KCTD2: variants seen among roughly 807,000 people sequenced by gnomAD.
KCTD2 encodes potassium channel tetramerization domain containing 2.
A neutral mutation model predicts 27.9 loss-of-function variants in KCTD2; 18 were observed. That is an observed-to-expected ratio of 0.64 (90% CI 0.45 to 0.96). KCTD2 has a LOEUF of 0.96. KCTD2 is among the 40% of genes least tolerant of loss of function. The probability of loss-of-function intolerance (pLI) is 0.00; values close to 1 mark genes in which losing one functional copy is unlikely to be tolerated. For synonymous variants in KCTD2, 175 were observed against 148.4 expected, an observed-to-expected ratio of 1.18 and a Z score of -1.30; for missense variants, 280 against 348.0, an observed-to-expected ratio of 0.80 and a Z score of 1.56.
At position 75,033,530 on chromosome 17, in the gene KCTD2, C is replaced by G. The variant is rs142595401; in HGVS notation, c.-469-503C>G. ...ATTAATACTTGTCTGTTCTCCTTCA[C>G]TTCCTACGCTACTTTTTCCTAAAAT... On this transcript the variant is annotated intron_variant, in intron 1 of 7. Transcript: ENST00000581589. Among the ~76,000 whole-genome samples the G allele has an allele frequency of 1.9e-3, 289 of 152,312 alleles. 1 individual carries two copies. Among genetic ancestry groups the G allele is most frequent in the African/African-American group, 6.4e-3 (267 of 41,554 alleles).
Position 75,062,219 on chromosome 17 carries a change from G to A in KCTD2, c.736G>A (p.Val246Ile), listed in dbSNP as rs943983987. ...RELNNSTNGI[V>I]IEPSEKAKIL... is the part of the protein sequence containing the mutation. The stretch of plus-strand genomic sequence containing the variant: ...ACTAAATAATTCTACCAATGGCATC[G>A]TCATAGAGCCGAGCGAAAAGGCGAA... The change falls in exon 5 of 6, where the codon GTC becomes ATC. Residue 246 changes from valine (V) to isoleucine (I), a missense_variant. Coordinates refer to ENST00000322444, the MANE Select transcript of KCTD2 (RefSeq NM_015353.3). The A allele has an allele frequency of 3.1e-6, 5 of 1,613,230 alleles. No homozygotes were observed. The highest frequency in any genetic ancestry group is 1.1e-5 in the South Asian group (1 of 90,824).
At chr17:75,039,985 A>G in intron 3 of KCTD2, 3 of 1,161,176 alleles carry the variant, frequency 2.6e-6, no homozygotes, top group Non-Finnish European at 3.8e-6. Context: ...ATTCCTTTAT[A>G]TGGCTGTTAA....
Position 75,047,558 on chromosome 17 carries a change from G to A in KCTD2, c.308G>A (p.Cys103Tyr), listed in dbSNP as rs1464340839. 1 of 1,610,666 alleles carries A rather than the reference G, an allele frequency of 6.2e-7. No homozygotes were observed. The highest frequency in any genetic ancestry group is 8.5e-7 in the Non-Finnish European group (1 of 1,178,980). Residue 103 changes from cysteine (C) to tyrosine (Y), a missense_variant, in exon 1 of 6, where the codon TGC becomes TAC. By Grantham distance (194) the Cys-to-Tyr change is radical. Transcript: ENST00000322444. ...AAGTCATTTCTCTGCCGCCTCTGCT[G>A]CCAGGAGGACCCGGAGCTGGACTCA... ...EPKSFLCRLC[C>Y]QEDPELDSDK...
intron 3 of KCTD2, chr17:75,039,032 T>G (rs762606856): frequency 1.9e-6 from 3 of 1,614,148 alleles, no homozygotes; most frequent in East Asian, 4.5e-5. Context: ...GGTCATCTGA[T>G]CAAATGGAAT....
At chr17:75,060,693 G>C (rs766421770) in intron 4 of KCTD2, 6 of 1,290,944 alleles carry the variant, frequency 4.6e-6, no homozygotes, top group Middle Eastern at 2.7e-4. Context: ...CTGCACTCAG[G>C]GTCTCGGTCG....
In KCTD2 at chr17:75,062,195, C is replaced by T. The variant is rs2073410344; in HGVS notation, c.712C>T (p.Leu238=). Residue 238 remains leucine, a synonymous_variant, in exon 5 of 6, where the codon CTA becomes TTA. Coordinates refer to ENST00000322444, the MANE Select transcript of KCTD2 (RefSeq NM_015353.3). ...ATTCCTCTGTGTTGTCTCCAGAGAA[C>T]TAAATAATTCTACCAATGGCATCGT... The part of the protein sequence containing the change: ...AEFLCVVSRE[L]NNSTNGIVIE... 1 of 1,613,838 alleles carries T rather than the reference C, an allele frequency of 6.2e-7. No individual in the cohort carries two copies. Among genetic ancestry groups the T allele is most frequent in the Non-Finnish European group, 8.5e-7 (1 of 1,179,942 alleles).
At chr17:75,039,040 A>T (rs1005442545) in intron 3 of KCTD2, 1 of 1,613,990 alleles carries the variant, frequency 6.2e-7, no homozygotes, top group East Asian at 2.2e-5. Context: ...GATCAAATGG[A>T]ATTAAGTTCT....
At chr17:75,038,837 C>T in intron 3 of KCTD2, 1 of 1,400,478 alleles carries the variant, frequency 7.1e-7, no homozygotes, top group Admixed American at 2.3e-5. Context: ...ATTATCTCAA[C>T]CACAGAGAAG....
At chr17:75,048,317 CTG>C (rs1275752547) in intron 1 of KCTD2, among the ~76,000 whole-genome samples, 1 of 152,128 alleles carries the variant, frequency 6.6e-6, no homozygotes, top group East Asian at 1.9e-4. Flanking sequence ...CCAGTTTGAA[CTG>C]TGTCAATTTC....
chr17:75,062,936 A>T, intron 5 of KCTD2, 82 bp from the exon 6 acceptor site: 1 of 1,446,486 alleles, frequency 6.9e-7, no homozygotes, highest in South Asian at 1.2e-5. Context: ...CATGCCACTC[A>T]TCGGGTCCAG....
At chr17:75,053,860 T>G (rs1387692363) in intron 3 of KCTD2, among the ~76,000 whole-genome samples, 7 of 111,452 alleles carry the variant, frequency 6.3e-5, no homozygotes, top group Non-Finnish European at 3.5e-5. Flanking sequence ...GAACCATGCT[T>G]TTTTTTTTTT....
chr17:75,051,572 C>A (rs1211479762), intron 2 of KCTD2, among the ~76,000 whole-genome samples: 8 of 150,638 alleles, frequency 5.3e-5, no homozygotes, highest in Non-Finnish European at 1.0e-4. Context: ...GCGTGAGCCA[C>A]CATGCCCGAC....
chr17:75,036,069 C>T (rs936926731), intron 3 of KCTD2: 1 of 453,684 alleles, frequency 2.2e-6, no homozygotes, highest in African/African-American at 2.0e-5. Flanking sequence ...TTTCTTCTTC[C>T]CTGAGACGGA....
upstream of KCTD2, among the ~76,000 whole-genome samples, chr17:75,046,730 C>T (rs981361636): frequency 1.3e-5 from 2 of 152,254 alleles, no homozygotes; most frequent in African/African-American, 4.8e-5. Flanking sequence ...CCCCCTGACC[C>T]CGCGCGCCAA....
rs1023820835 is a variant in KCTD2 at position 75,063,140 on chromosome 17, C to T, written c.*93C>T. The T allele has an allele frequency of 1.7e-6, 2 of 1,193,716 alleles. No homozygotes were observed. Among genetic ancestry groups the T allele is most frequent in the East Asian group, 2.4e-5 (1 of 41,782 alleles). The allele number at this position is 1,193,716 out of a possible 1,614,324, so 73.9% of individuals were successfully genotyped here. On this transcript the variant is annotated 3_prime_UTR_variant, in exon 6 of 6. Coordinates refer to ENST00000322444, the MANE Select transcript of KCTD2 (RefSeq NM_015353.3). The stretch of plus-strand genomic sequence containing the variant: ...TCACTCCTGTCCAGTGACCGAGCCA[C>T]TGCAAAGCACAGCTGATCCTGGCCC...
chr17:75,042,300 G>T (rs2073169651), upstream of KCTD2: 1 of 1,611,036 alleles, frequency 6.2e-7, no homozygotes, highest in Non-Finnish European at 8.5e-7. Flanking sequence ...AAAGGCAAAA[G>T]TTAGGATTGT....
At chr17:75,056,899 T>G (rs989312592) in intron 3 of KCTD2, among the ~76,000 whole-genome samples, 14 of 151,648 alleles carry the variant, frequency 9.2e-5, no homozygotes, top group African/African-American at 3.4e-4. Flanking sequence ...ACCTCTTAGC[T>G]CTTAGTGGCT....
intron 1 of KCTD2, among the ~76,000 whole-genome samples, chr17:75,048,067 C>T (rs1371628474): frequency 6.6e-6 from 1 of 152,230 alleles, no homozygotes; most frequent in Non-Finnish European, 1.5e-5. Context: ...CTGCAGGAAG[C>T]GCTCCTTGTG....
At chr17:75,043,625 A>AAC (rs1555640106), upstream of KCTD2, among the ~76,000 whole-genome samples, 4 of 151,828 alleles carry the variant, frequency 2.6e-5, no homozygotes, top group African/African-American at 7.3e-5. Context: ...AAAAAAAAAA[A>AAC]AAACAAACCC....
Sources: allele counts gnomAD v4.1 joint callset (sites outside exome capture counted in the v4.1 genomes callset), GRCh38; gene constraint gnomAD v4.1.1; transcripts MANE v1.5; gene names NCBI Gene and HGNC (gene_info 2026-07-23, HGNC 2026-07-21).